The following POU2F1 variants were observed in gnomAD, a reference collection of about 807,000 sequenced individuals.
POU2F1 encodes the protein POU domain, class 2, transcription factor 1.
In POU2F1, 16 loss-of-function variants were observed where a neutral mutation model predicts 84.9. That is an observed-to-expected ratio of 0.19 (90% CI 0.13 to 0.29). The LOEUF is 0.29. POU2F1 is among the 10% of genes least tolerant of loss of function. POU2F1 has a pLI of 1.00. For missense variants in POU2F1, 738 were observed against 942.6 expected, an observed-to-expected ratio of 0.78 and a Z score of 2.84; for synonymous variants, 368 against 368.3, an observed-to-expected ratio of 1.00 and a Z score of 0.01.
intron 1 of POU2F1, among the ~76,000 whole-genome samples, chr1:167,261,620 C>T (rs373780410): frequency 1.3e-5 from 2 of 152,200 alleles, no homozygotes; most frequent in African/African-American, 4.8e-5. Context: ...CACTCAATTT[C>T]CCATGGCACT....
chr1:167,289,881 G>A (rs1653793118), intron 1 of POU2F1, among the ~76,000 whole-genome samples: 1 of 152,038 alleles, frequency 6.6e-6, no homozygotes, highest in Non-Finnish European at 1.5e-5. Flanking sequence ...TTAAATATTT[G>A]CCAAATTAGT....
chr1:167,272,300 CT>C (rs35886551), intron 1 of POU2F1, among the ~76,000 whole-genome samples: 2,488 of 122,546 alleles, frequency 0.02, 48 homozygotes, highest in African/African-American at 0.064. Context: ...TAAATATTAC[CT>C]TTTTTTTTTT....
rs1648053957 is a variant in POU2F1 at position 167,220,889 on chromosome 1, A to G, written c.-9A>G. Reference sequence around the variant, plus strand: ...TATCGACCGGGCGATTTTGGTTAAAATATTCAAAATGGCGGACGGAGGAGC... The same window carrying G: ...TATCGACCGGGCGATTTTGGTTAAAGTATTCAAAATGGCGGACGGAGGAGC... On this transcript the variant is annotated 5_prime_UTR_variant, in exon 1 of 16. Coordinates refer to ENST00000367866, the MANE Select transcript of POU2F1 (RefSeq NM_002697.4). 6.5e-7 allele frequency: 1 copy of G among 1,534,798 alleles called. No homozygotes were observed. The highest frequency in any genetic ancestry group is 1.4e-5 in the African/African-American group (1 of 73,084).
At chr1:167,233,464 T>TA (rs1230414841) in intron 1 of POU2F1, among the ~76,000 whole-genome samples, 2 of 152,126 alleles carry the variant, frequency 1.3e-5, no homozygotes, top group Non-Finnish European at 2.9e-5. Flanking sequence ...CACAAATACT[T>TA]ACCATTGTGT....
intron 1 of POU2F1, among the ~76,000 whole-genome samples, chr1:167,250,312 A>G (rs1486744612): frequency 6.6e-6 from 1 of 152,200 alleles, no homozygotes; most frequent in African/African-American, 2.4e-5. Flanking sequence ...TGTTTGGGGA[A>G]CATCCATCAT....
rs59956534 is a variant in POU2F1, at chr1:167,276,194, G to A, written c.61+55236G>A. Among the ~76,000 whole-genome samples the A allele has an allele frequency of 5.2e-3, 799 of 152,244 alleles. 10 individuals are homozygous for A. The highest frequency in any genetic ancestry group is 0.018 in the African/African-American group (733 of 41,542). On this transcript the variant is annotated intron_variant, in intron 1 of 15. Transcript: ENST00000367866. The stretch of plus-strand genomic sequence containing the variant: ...TCACGGCATCCCACTCTGTTCTGCC[G>A]AGGACGTGAATCTTTCCTTTGTTCA...
At chr1:167,315,621 GTTTT>G (rs900753933) in intron 1 of POU2F1, among the ~76,000 whole-genome samples, 44 of 150,998 alleles carry the variant, frequency 2.9e-4, no homozygotes, top group African/African-American at 1.1e-3. Context: ...AAAAAAAATT[GTTTT>G]TTGTTTGTTT....
chr1:167,414,998 A>G (rs1481119604), intron 15 of POU2F1, among the ~76,000 whole-genome samples: 1 of 152,150 alleles, frequency 6.6e-6, no homozygotes, highest in African/African-American at 2.4e-5. Flanking sequence ...TCCACCTCAG[A>G]TCGTGCTCTA....
intron 1 of POU2F1, among the ~76,000 whole-genome samples, chr1:167,277,670 T>C (rs148626853): frequency 3.1e-4 from 47 of 152,258 alleles, no homozygotes; most frequent in Middle Eastern, 3.4e-3. Flanking sequence ...TTCCATTTCT[T>C]TTCATTCTAC....
At chr1:167,253,378 C>G (rs1458706306) in intron 1 of POU2F1, among the ~76,000 whole-genome samples, 1 of 15,324 alleles carries the variant, frequency 6.5e-5, no homozygotes, top group African/African-American at 1.3e-4. Flanking sequence ...ATTTTTCTGC[C>G]CCCCCCCCCC....
chr1:167,357,949 G>A (rs921628200), intron 2 of POU2F1, among the ~76,000 whole-genome samples: 6 of 149,652 alleles, frequency 4.0e-5, no homozygotes, highest in South Asian at 4.2e-4. Flanking sequence ...GACTACAGGC[G>A]CACATCACTA....
At chr1:167,275,119 C>T (rs535794781) in intron 1 of POU2F1, among the ~76,000 whole-genome samples, 5 of 150,290 alleles carry the variant, frequency 3.3e-5, no homozygotes, top group Admixed American at 3.3e-4. Flanking sequence ...AGCTCCCAGG[C>T]TCAAGCAGTC....
chr1:167,317,604 T>C (rs1160617145), intron 1 of POU2F1, among the ~76,000 whole-genome samples: 1 of 152,262 alleles, frequency 6.6e-6, no homozygotes, highest in African/African-American at 2.4e-5. Flanking sequence ...TGGCTAGTTA[T>C]CTGCAGCAGG....
chr1:167,271,919 A>G (rs1652394582), intron 1 of POU2F1, among the ~76,000 whole-genome samples: 1 of 152,220 alleles, frequency 6.6e-6, no homozygotes, highest in African/African-American at 2.4e-5. Context: ...TGACATTATA[A>G]TTATATGAAA....
intron 2 of POU2F1, among the ~76,000 whole-genome samples, chr1:167,347,818 A>G (rs1658299020): frequency 6.6e-6 from 1 of 152,158 alleles, no homozygotes; most frequent in African/African-American, 2.4e-5. Context: ...TCTTTAACTT[A>G]GTATAATGTT....
intron 1 of POU2F1, among the ~76,000 whole-genome samples, chr1:167,288,156 A>G (rs368231169): frequency 6.6e-6 from 1 of 152,246 alleles, no homozygotes; most frequent in Admixed American, 6.5e-5. Context: ...CTGAAATGCA[A>G]GAGGGAATAA....
intron 1 of POU2F1, among the ~76,000 whole-genome samples, chr1:167,275,666 C>T (rs1476728084): frequency 6.6e-6 from 1 of 152,082 alleles, no homozygotes; most frequent in East Asian, 1.9e-4. Context: ...AAAGACATCC[C>T]AAAATTCTAT....
At chr1:167,399,059 GAAAGTGGCCTA>G in intron 11 of POU2F1, 116 bp from the exon 12 acceptor site, 4 of 754,272 alleles carry the variant, frequency 5.3e-6, no homozygotes, top group Non-Finnish European at 8.1e-6. Flanking sequence ...TCTCTTTGTT[GAAAGTGGCCTA>G]ATGTGGATGG....
intron 1 of POU2F1, among the ~76,000 whole-genome samples, chr1:167,231,001 G>A (rs914650365): frequency 5.9e-5 from 9 of 152,190 alleles, no homozygotes; most frequent in African/African-American, 2.2e-4. Context: ...ATTACTTGTT[G>A]CACTTCAAGA....
Sources: gnomAD v4.1 joint callset for allele counts (sites outside exome capture counted in the v4.1 genomes callset) on GRCh38, gnomAD v4.1.1 for gene constraint, MANE v1.5 for transcripts, NCBI Gene and HGNC (gene_info 2026-07-23, HGNC 2026-07-21) for gene names.